Variants in DACH1 observed in about 807,000 individuals in gnomAD.
DACH1 encodes dachshund family transcription factor 1.
In DACH1, 12 loss-of-function variants were observed where a neutral mutation model predicts 54.2. That is an observed-to-expected ratio of 0.22 (90% CI 0.14 to 0.36). The LOEUF (loss-of-function observed/expected upper bound fraction) is 0.36, where lower values mean the gene tolerates loss of function less well. Among genes scored for constraint, DACH1 ranks in the 10% least tolerant of loss-of-function variants. DACH1 has a pLI of 1.00. For missense variants in DACH1, 805 were observed against 929.8 expected, an observed-to-expected ratio of 0.87 and a Z score of 1.75; for synonymous variants, 386 against 366.2, an observed-to-expected ratio of 1.05 and a Z score of -0.62.
At chr13:71,464,714 T>C in intron 10 of DACH1, 1 of 454,524 alleles carries the variant, frequency 2.2e-6, no homozygotes, top group Middle Eastern at 3.3e-4. Context: ...CTTTAACTGT[T>C]TTGATGTATA....
At chr13:71,533,891 T>C (rs920827761) in intron 6 of DACH1, among the ~76,000 whole-genome samples, 2 of 152,012 alleles carry the variant, frequency 1.3e-5, no homozygotes, top group African/African-American at 4.8e-5. Flanking sequence ...CATTTCTCTT[T>C]TTCTCCACCC....
rs1201078823 is a variant in DACH1 at position 71,802,563 on chromosome 13, C to T, written c.848+63359G>A. ...AATGTGGCAAGTATGTGTAAATCTT[C>T]CATCCAGGGAAAACAAAATAAAACA... On this transcript the variant is annotated intron_variant, in intron 1 of 10. Coordinates refer to ENST00000613252, the MANE Select transcript of DACH1 (RefSeq NM_080759.6). Among the ~76,000 whole-genome samples, 3 of 151,836 alleles carry T rather than the reference C, an allele frequency of 2.0e-5. No individual in the cohort carries two copies. In the East Asian group the frequency reaches 5.8e-4, roughly 29 times the overall value.
At chr13:71,529,366 T>C (rs1405704115) in intron 6 of DACH1, among the ~76,000 whole-genome samples, 1 of 151,980 alleles carries the variant, frequency 6.6e-6, no homozygotes, top group Non-Finnish European at 1.5e-5. Context: ...TTTGTATTTT[T>C]AGTAGAAATG....
At position 71,866,603 on chromosome 13, in the gene DACH1, C is replaced by T; in HGVS notation, c.167G>A (p.Arg56His). The change falls in exon 1 of 11, where the codon CGC becomes CAC. Residue 56 changes from arginine (R) to histidine (H), a missense_variant. Transcript: ENST00000613252. ...CGCCGCCGAAGCGATGGGCTCCGGG[C>T]GGAACAGAGTTGGCCCAGAGGACGC... ...PPASSGPTLF[R>H]PEPIASAAAA... 1.5e-6 allele frequency: 2 copies of T among 1,318,634 alleles called. No homozygotes were observed. The highest frequency in any genetic ancestry group is 9.7e-7 in the Non-Finnish European group (1 of 1,030,562). 81.7% of individuals were successfully genotyped at this position (1,318,634 alleles called of 1,614,324 possible).
chr13:71,831,240 AT>A (rs1321193635), intron 1 of DACH1, among the ~76,000 whole-genome samples: 1 of 151,804 alleles, frequency 6.6e-6, no homozygotes, highest in Admixed American at 6.6e-5. Context: ...AACTGGAGTA[AT>A]TTTTTTATTC....
intron 5 of DACH1, among the ~76,000 whole-genome samples, chr13:71,558,861 T>C (rs191058047): frequency 6.6e-6 from 1 of 152,170 alleles, no homozygotes; most frequent in African/African-American, 2.4e-5. Context: ...ATTTTCACTT[T>C]ATGCATACAT....
At chr13:71,801,718 T>C (rs1887295253) in intron 1 of DACH1, among the ~76,000 whole-genome samples, 1 of 152,124 alleles carries the variant, frequency 6.6e-6, no homozygotes, top group Non-Finnish European at 1.5e-5. Flanking sequence ...CTGAATTGTT[T>C]CCCATTTGCC....
At chr13:71,830,085 C>T (rs1372056627) in intron 1 of DACH1, among the ~76,000 whole-genome samples, 7 of 151,768 alleles carry the variant, frequency 4.6e-5, no homozygotes, top group Non-Finnish European at 2.9e-5. Flanking sequence ...TTCTTAAAAT[C>T]ACCAAATATT....
intron 2 of DACH1, among the ~76,000 whole-genome samples, chr13:71,663,405 C>T (rs1357937985): frequency 6.6e-6 from 1 of 151,786 alleles, no homozygotes; most frequent in African/African-American, 2.4e-5. Context: ...AAGCAAAAAG[C>T]TAGATTGAAA....
At chr13:71,759,784 C>T (rs887195266) in intron 1 of DACH1, among the ~76,000 whole-genome samples, 1 of 151,972 alleles carries the variant, frequency 6.6e-6, no homozygotes, top group Non-Finnish European at 1.5e-5. Context: ...CCCAGATCAC[C>T]CAAGGCTACT....
intron 6 of DACH1, among the ~76,000 whole-genome samples, chr13:71,522,128 GT>G (rs1013623726): frequency 6.6e-6 from 1 of 152,066 alleles, no homozygotes; most frequent in Non-Finnish European, 1.5e-5. Context: ...TCAAAGAATT[GT>G]TTTTAGTAAG....
intron 2 of DACH1, among the ~76,000 whole-genome samples, chr13:71,669,966 A>C (rs1880111197): frequency 6.6e-6 from 1 of 152,014 alleles, no homozygotes; most frequent in South Asian, 2.1e-4. Flanking sequence ...AAAATCAATA[A>C]ATGTCTTTTA....
At chr13:71,537,688 T>C (rs1882896632) in intron 6 of DACH1, among the ~76,000 whole-genome samples, 1 of 152,138 alleles carries the variant, frequency 6.6e-6, no homozygotes, top group Non-Finnish European at 1.5e-5. Flanking sequence ...CTTGAAAATA[T>C]TGTAGTTTTT....
intron 6 of DACH1, among the ~76,000 whole-genome samples, chr13:71,550,496 T>C (rs1215504651): frequency 6.6e-6 from 1 of 152,138 alleles, no homozygotes; most frequent in Admixed American, 6.6e-5. Context: ...TGTGACGTGA[T>C]GGTCATCAAG....
intron 1 of DACH1, among the ~76,000 whole-genome samples, chr13:71,751,822 G>C (rs528026055): frequency 1.3e-5 from 2 of 152,184 alleles, no homozygotes; most frequent in South Asian, 4.2e-4. Flanking sequence ...ATATGTCACT[G>C]AAATGAGAAC....
chr13:71,440,432 T>C lies in DACH1; in HGVS notation c.*223A>G, dbSNP rs1446750990. 2.2e-6 allele frequency: 1 copy of C among 462,598 alleles called. No homozygotes were observed. Among genetic ancestry groups the C allele is most frequent in the East Asian group, 4.1e-5 (1 of 24,138 alleles). The allele number at this position is 462,598 out of a possible 1,614,324, so 28.7% of individuals were successfully genotyped here. A position where few individuals can be genotyped will look rare whatever the true frequency, so the allele number is the denominator to read the frequency against. On this transcript the variant is annotated 3_prime_UTR_variant, in exon 11 of 11. Coordinates refer to ENST00000613252, the MANE Select transcript of DACH1 (RefSeq NM_080759.6). ...TTAACTGTAAGAACTTTGATACTTG[T>C]ACATTTACAAACATTCTCAGGTCTC...
chr13:71,803,125 A>G (rs1269277723), intron 1 of DACH1, among the ~76,000 whole-genome samples: 1 of 152,176 alleles, frequency 6.6e-6, no homozygotes, highest in East Asian at 1.9e-4. Context: ...AGGCACATCA[A>G]TAAAAAGTAT....
chr13:71,844,308 T>C (rs1873078873), intron 1 of DACH1, among the ~76,000 whole-genome samples: 1 of 152,156 alleles, frequency 6.6e-6, no homozygotes, highest in Non-Finnish European at 1.5e-5. Context: ...CAGGTAATCC[T>C]GGACAGGCAA....
intron 6 of DACH1, among the ~76,000 whole-genome samples, chr13:71,528,289 G>T (rs1293628916): frequency 6.6e-6 from 1 of 152,034 alleles, no homozygotes; most frequent in African/African-American, 2.4e-5. Context: ...CTATAGATGA[G>T]ACTGCAGTTT....
Sources: allele counts gnomAD v4.1 joint callset (sites outside exome capture counted in the v4.1 genomes callset), GRCh38; gene constraint gnomAD v4.1.1; transcripts MANE v1.5; gene names NCBI Gene and HGNC (gene_info 2026-07-23, HGNC 2026-07-21).